The following MYO3B variants were observed in gnomAD, a reference collection of about 807,000 sequenced individuals.
MYO3B encodes the protein myosin IIIB, also known as myosin-IIIb.
MYO3B carries 156 observed loss-of-function variants against 174.6 expected under a neutral mutation model. The ratio of observed to expected loss-of-function variants is 0.89; its 90% CI spans 0.78 to 1.02. MYO3B has a LOEUF of 1.02. Ranked by LOEUF, MYO3B falls within the 50% of genes least tolerant of loss-of-function variation. The pLI is 0.00. For synonymous variants in MYO3B, 563 were observed against 569.1 expected (o/e 0.99, Z 0.15); for missense variants, 1,632 against 1,639.4 (o/e 1.00, Z 0.08).
rs1273210919 is a variant in MYO3B, at chr2:170,199,296, G to C, written c.91G>C (p.Glu31Gln). 2.5e-6 allele frequency: 4 copies of C among 1,613,480 alleles called. No individual in the cohort carries two copies. The highest frequency in any genetic ancestry group is 3.4e-6 in the Non-Finnish European group (4 of 1,179,642). Residue 31 changes from glutamate to glutamine, a missense_variant, in exon 2 of 35, where the codon GAG (glutamate) becomes CAG (glutamine). Transcript: ENST00000408978. ...PDPTDTWEII[E>Q]TIGKGTYGKV... ...TCCCACAGACACCTGGGAAATTATA[G>C]AGACCATTGGTAAAGGCACCTATGG... is the stretch of plus-strand genomic sequence containing the variant.
At chr2:170,198,715 C>T (rs1039797872) in intron 1 of MYO3B, among the ~76,000 whole-genome samples, 14 of 152,050 alleles carry the variant, frequency 9.2e-5, no homozygotes, top group Middle Eastern at 3.2e-3. Flanking sequence ...TAACATAGAG[C>T]GAGGATAAAA....
intron 6 of MYO3B, among the ~76,000 whole-genome samples, chr2:170,221,027 A>G (rs1311126949): frequency 6.6e-6 from 1 of 152,270 alleles, no homozygotes. Context: ...ACAACCTTCC[A>G]TTTTTCAATT....
chr2:170,342,559 C>T (rs6713029), intron 8 of MYO3B, among the ~76,000 whole-genome samples: 89,295 of 151,746 alleles, frequency 0.59, 26,768 homozygotes, highest in East Asian at 0.71. Flanking sequence ...CCTGTCTGAC[C>T]GCCAGTCCTC....
At chr2:170,324,144 T>G (rs1029109073) in intron 7 of MYO3B, among the ~76,000 whole-genome samples, 35 of 152,208 alleles carry the variant, frequency 2.3e-4, no homozygotes, top group African/African-American at 8.2e-4. Context: ...CACCTGACTC[T>G]TCACTTTTTC....
intron 7 of MYO3B, among the ~76,000 whole-genome samples, chr2:170,310,168 A>C (rs1339923289): frequency 6.6e-6 from 1 of 152,194 alleles, no homozygotes; most frequent in Non-Finnish European, 1.5e-5. Context: ...CCATTCATCC[A>C]TTGATGAACA....
intron 7 of MYO3B, among the ~76,000 whole-genome samples, chr2:170,296,634 A>G (rs2093630481): frequency 6.6e-6 from 1 of 152,172 alleles, no homozygotes; most frequent in Non-Finnish European, 1.5e-5. Flanking sequence ...AAGGAGAGCA[A>G]AACCTTTTTA....
chr2:170,265,101 G>A (rs1343263995), intron 7 of MYO3B, among the ~76,000 whole-genome samples: 3 of 152,178 alleles, frequency 2.0e-5, no homozygotes, highest in Admixed American at 1.3e-4. Flanking sequence ...GTTGGGGCTG[G>A]CTTTCATAAT....
chr2:170,338,058 G>A (rs2093956805), intron 8 of MYO3B: 1 of 152,134 alleles, frequency 6.6e-6, no homozygotes, highest in Non-Finnish European at 1.5e-5. Context: ...CCCTAAGATA[G>A]TTCCTTATGG....
rs144904773 is a variant in MYO3B, at chr2:170,551,884, G to A, written c.3733+7896G>A. Among the ~76,000 whole-genome samples the A allele has an allele frequency of 1.9e-3, 268 of 144,422 alleles. 2 individuals are homozygous for A. The highest frequency in any genetic ancestry group is 6.8e-3 in the Middle Eastern group (2 of 292). 94.7% of individuals were successfully genotyped at this position (144,422 alleles called of 152,430 possible). On this transcript the variant is annotated intron_variant, in intron 32 of 34. Coordinates refer to ENST00000408978, the MANE Select transcript of MYO3B (RefSeq NM_138995.5). The stretch of plus-strand genomic sequence containing the variant: ...CTCATGATTGTGAATGAGTTCTTGT[G>A]AGATCTGGTTGTTTAAAAGTGTGTA...
At chr2:170,406,416 T>C (rs4088148) in intron 21 of MYO3B, among the ~76,000 whole-genome samples, 113,011 of 152,180 alleles carry the variant, frequency 0.74, 43,053 homozygotes, top group Middle Eastern at 0.86. Context: ...TAACTGGATG[T>C]TGGGAAATTC....
At chr2:170,373,854 G>T (rs559562020) in intron 9 of MYO3B, among the ~76,000 whole-genome samples, 91 of 151,800 alleles carry the variant, frequency 6.0e-4, no homozygotes, top group Admixed American at 2.1e-3. Context: ...ACTTAGCAAG[G>T]TTTCAGAGTT....
intron 32 of MYO3B, among the ~76,000 whole-genome samples, chr2:170,627,539 C>T (rs531711600): frequency 9.8e-5 from 15 of 152,356 alleles, no homozygotes; most frequent in African/African-American, 3.4e-4. Flanking sequence ...CTGAAGCCTT[C>T]TTCTCTCAAT....
At chr2:170,557,002 T>A (rs1442149932) in intron 32 of MYO3B, among the ~76,000 whole-genome samples, 1 of 152,250 alleles carries the variant, frequency 6.6e-6, no homozygotes, top group African/African-American at 2.4e-5. Context: ...AATTGCATTG[T>A]TTGTTTTCCT....
intron 12 of MYO3B, 61 bp from the exon 13 acceptor site, chr2:170,386,128 A>C (rs1220513476): frequency 7.2e-7 from 1 of 1,388,028 alleles, no homozygotes; most frequent in Non-Finnish European, 1.0e-6. Flanking sequence ...ATGTTATATG[A>C]AGCATGCAAG....
intron 8 of MYO3B, among the ~76,000 whole-genome samples, chr2:170,353,820 A>C (rs1278674793): frequency 2.0e-5 from 3 of 152,212 alleles, no homozygotes; most frequent in Non-Finnish European, 4.4e-5. Flanking sequence ...ACTTGGTGGC[A>C]TTCTCTTATT....
At chr2:170,543,091 AT>A in intron 31 of MYO3B, 125 bp downstream of exon 31, 1 of 733,236 alleles carries the variant, frequency 1.4e-6, no homozygotes, top group Non-Finnish European at 2.2e-6. Flanking sequence ...TGTTAGTGAT[AT>A]TTTGAAGTCT....
intron 32 of MYO3B, among the ~76,000 whole-genome samples, chr2:170,612,668 AG>A (rs1485229552): frequency 6.6e-6 from 1 of 152,192 alleles, no homozygotes; most frequent in East Asian, 1.9e-4. Flanking sequence ...CAGGAGTTAG[AG>A]GGAGTAAGGA....
At chr2:170,466,142 T>C (rs1025490440) in intron 24 of MYO3B, among the ~76,000 whole-genome samples, 3 of 152,206 alleles carry the variant, frequency 2.0e-5, no homozygotes, top group African/African-American at 7.2e-5. Flanking sequence ...AAATAGCCCC[T>C]TCCTCAAAAG....
At chr2:170,370,255 T>G (rs898675515) in intron 9 of MYO3B, among the ~76,000 whole-genome samples, 1 of 152,178 alleles carries the variant, frequency 6.6e-6, no homozygotes, top group Non-Finnish European at 1.5e-5. Context: ...TAAAATATCA[T>G]AAGTTACAAG....
Sources: allele counts gnomAD v4.1 joint callset (sites outside exome capture counted in the v4.1 genomes callset), GRCh38; gene constraint gnomAD v4.1.1; transcripts MANE v1.5; gene names NCBI Gene and HGNC (gene_info 2026-07-23, HGNC 2026-07-21).